Variants in RREB1 observed in about 807,000 individuals in gnomAD.
RREB1 encodes the protein ras-responsive element-binding protein 1.
A neutral mutation model predicts 117.8 loss-of-function variants in RREB1; 27 were observed. The ratio of observed to expected loss-of-function variants is 0.23; its 90% CI spans 0.17 to 0.32. RREB1 has a LOEUF of 0.32. Ranked by LOEUF, RREB1 falls within the 10% of genes least tolerant of loss-of-function variation. RREB1 has a pLI of 1.00. For synonymous variants in RREB1, 1,298 were observed against 1,026.7 expected (o/e 1.26, Z -5.05); for missense variants, 2,577 against 2,378.2 (o/e 1.08, Z -1.74).
chr6:7,199,654 A>G (rs917482786), intron 6 of RREB1, among the ~76,000 whole-genome samples: 3 of 149,720 alleles, frequency 2.0e-5, no homozygotes, highest in African/African-American at 7.4e-5. Context: ...TGTGTGTGTG[A>G]TTTTTTTGTT....
intron 6 of RREB1, among the ~76,000 whole-genome samples, chr6:7,198,432 T>G (rs755039281): frequency 1.1e-4 from 17 of 152,214 alleles, no homozygotes; most frequent in Non-Finnish European, 2.2e-4. Context: ...GTTGTCTACA[T>G]CCAAGGGGGA....
chr6:7,151,304 G>C (rs1375643252), intron 1 of RREB1, among the ~76,000 whole-genome samples: 2 of 152,156 alleles, frequency 1.3e-5, no homozygotes, highest in Admixed American at 1.3e-4. Flanking sequence ...ATTGATTTAA[G>C]GTTGTTGGAG....
chr6:7,198,909 T>C (rs1249868445), intron 6 of RREB1, among the ~76,000 whole-genome samples: 3 of 152,152 alleles, frequency 2.0e-5, no homozygotes. Context: ...GAGTGGAGAT[T>C]TTCCACTAGA....
intron 1 of RREB1, among the ~76,000 whole-genome samples, chr6:7,164,995 A>G (rs976436243): frequency 1.1e-4 from 17 of 152,238 alleles, no homozygotes; most frequent in African/African-American, 4.1e-4. Context: ...TTTGATGAAG[A>G]TAGCTCTTGT....
chr6:7,241,989 C>T (rs1184594668), intron 11 of RREB1, among the ~76,000 whole-genome samples: 1 of 152,218 alleles, frequency 6.6e-6, no homozygotes, highest in East Asian at 1.9e-4. Flanking sequence ...CACGCGTTTG[C>T]TGCAGACCAT....
At chr6:7,219,891 T>G (rs770560487) in intron 8 of RREB1, among the ~76,000 whole-genome samples, 4 of 152,122 alleles carry the variant, frequency 2.6e-5, no homozygotes, top group Non-Finnish European at 4.4e-5. Context: ...TCTCTCTACT[T>G]CACCCTACCC....
At chr6:7,112,862 G>T (rs1198811295) in intron 1 of RREB1, among the ~76,000 whole-genome samples, 1 of 152,222 alleles carries the variant, frequency 6.6e-6, no homozygotes, top group Non-Finnish European at 1.5e-5. Flanking sequence ...AGCGTGGTCT[G>T]AACTGCAGCC....
intron 1 of RREB1, among the ~76,000 whole-genome samples, chr6:7,137,964 A>G (rs1175452325): frequency 2.0e-5 from 3 of 152,114 alleles, no homozygotes; most frequent in East Asian, 3.8e-4. Context: ...CTCCTTTTCA[A>G]TAGCCCTCCT....
intron 1 of RREB1, among the ~76,000 whole-genome samples, chr6:7,114,471 G>GGA (rs1761293906): frequency 1.3e-5 from 2 of 151,284 alleles, no homozygotes; most frequent in Non-Finnish European, 3.0e-5. Flanking sequence ...TTTCTGGTGG[G>GGA]GGGGGGGGCG....
chr6:7,239,605 C>G (rs1052254656), intron 10 of RREB1, among the ~76,000 whole-genome samples: 3 of 152,240 alleles, frequency 2.0e-5, no homozygotes, highest in African/African-American at 7.2e-5. Context: ...CAGTGGCTCA[C>G]CCATCTGTGC....
Position 7,250,846 on chromosome 6 carries a change from T to C in RREB1, c.*1878T>C, listed in dbSNP as rs1383981433. 1.3e-5 allele frequency: 2 copies of C among 152,178 alleles called. No homozygotes were observed. Among genetic ancestry groups the C allele is most frequent in the African/African-American group, 4.8e-5 (2 of 41,448 alleles). 9.4% of individuals were successfully genotyped at this position (152,178 alleles called of 1,614,324 possible). On this transcript the variant is annotated 3_prime_UTR_variant, in exon 13 of 13. Coordinates refer to ENST00000379938, the MANE Select transcript of RREB1 (RefSeq NM_001003699.4). ...GAGGTATATATGATTTTTAACTGTA[T>C]TAGGGGTGTATGAACCAGTTTAAAA...
At chr6:7,228,812 T>G (rs999370678) in intron 9 of RREB1, among the ~76,000 whole-genome samples, 185 bp from the exon 10 acceptor site, 4 of 152,162 alleles carry the variant, frequency 2.6e-5, no homozygotes, top group African/African-American at 7.2e-5. Context: ...CTGGCTAATT[T>G]TTTTTTATTT....
intron 8 of RREB1, chr6:7,212,000 G>T (rs958450069): frequency 3.4e-5 from 13 of 387,612 alleles, no homozygotes; most frequent in African/African-American, 2.7e-4. Context: ...GCTATCATGG[G>T]TGTTCTTGGA....
At chr6:7,127,037 A>G (rs1330082530) in intron 1 of RREB1, among the ~76,000 whole-genome samples, 2 of 152,240 alleles carry the variant, frequency 1.3e-5, no homozygotes, top group Non-Finnish European at 2.9e-5. Flanking sequence ...AAGCAGTTTA[A>G]GTACAGGCCC....
At chr6:7,163,651 C>T (rs550981817) in intron 1 of RREB1, among the ~76,000 whole-genome samples, 1 of 152,276 alleles carries the variant, frequency 6.6e-6, no homozygotes, top group East Asian at 1.9e-4. Flanking sequence ...GCCTCGGCCT[C>T]CCAAAGTGCT....
rs142231121 is a variant in RREB1 at position 7,173,236 on chromosome 6, C to T, written c.-284-3419C>T. Among the ~76,000 whole-genome samples, 13 of 152,196 alleles carry T rather than the reference C, an allele frequency of 8.5e-5. No individual in the cohort carries two copies. The East Asian group carries it at 2.5e-3, about 29-fold the overall frequency. On this transcript the variant is annotated intron_variant, in intron 1 of 12. Transcript: ENST00000379938. ...AAACTTATTCCACATTTCCTGGGGG[C>T]CTTAGGACAGAGTTTAGATTTCACT...
At chr6:7,200,846 A>T (rs1222142732) in intron 6 of RREB1, among the ~76,000 whole-genome samples, 1 of 152,228 alleles carries the variant, frequency 6.6e-6, no homozygotes, top group Non-Finnish European at 1.5e-5. Flanking sequence ...TTTATAACTT[A>T]AGTTTTCTTC....
intron 1 of RREB1, among the ~76,000 whole-genome samples, chr6:7,149,081 C>A (rs984342538): frequency 6.6e-6 from 1 of 152,158 alleles, no homozygotes; most frequent in Non-Finnish European, 1.5e-5. Context: ...TGCTACCACA[C>A]CCAGCTAATT....
rs1340484885 is a variant in RREB1, at chr6:7,246,779, G to A, written c.4329G>A (p.Ser1443=). The A allele has an allele frequency of 1.3e-6, 2 of 1,551,006 alleles. No individual in the cohort carries two copies. The highest frequency in any genetic ancestry group is 1.7e-6 in the Non-Finnish European group (2 of 1,149,534). ...DGEAGAGGAA[S]QEQKLACDTC... is the part of the protein sequence containing the mutation. ...AGGCAGGCGCCGGGGGCGCGGCCTC[G>A]CAGGAGCAGAAGCTCGCCTGCGACA... The change falls in exon 12 of 13, where the codon TCG becomes TCA. Residue 1443 remains serine (S), a synonymous_variant. Transcript: ENST00000379938.
Sources: gnomAD v4.1 joint callset for allele counts (sites outside exome capture counted in the v4.1 genomes callset) on GRCh38, gnomAD v4.1.1 for gene constraint, MANE v1.5 for transcripts, NCBI Gene and HGNC (gene_info 2026-07-23, HGNC 2026-07-21) for gene names.